DSCAM: variants seen among roughly 807,000 people sequenced by gnomAD.
DSCAM encodes cell adhesion molecule DSCAM.
DSCAM carries 47 observed loss-of-function variants against 217.7 expected under a neutral mutation model. The observed-to-expected ratio is 0.22, with a 90% confidence interval of 0.17 to 0.28. The LOEUF is 0.28. Among genes scored for constraint, DSCAM ranks in the 10% least tolerant of loss-of-function variants. DSCAM has a pLI of 1.00. For missense variants in DSCAM, 2,080 were observed against 2,618.3 expected, an observed-to-expected ratio of 0.79 and a Z score of 4.49; for synonymous variants, 1,056 against 1,015.3, an observed-to-expected ratio of 1.04 and a Z score of -0.76.
intron 3 of DSCAM, among the ~76,000 whole-genome samples, chr21:40,473,400 G>T (rs2075905615): frequency 6.6e-6 from 1 of 152,186 alleles, no homozygotes; most frequent in South Asian, 2.1e-4. Flanking sequence ...TCAAGAGGGG[G>T]CTGAGAAGCC....
intron 32 of DSCAM, among the ~76,000 whole-genome samples, chr21:40,032,706 C>G (rs1005700424): frequency 1.3e-5 from 2 of 152,104 alleles, no homozygotes; most frequent in African/African-American, 4.8e-5. Context: ...AGCTCTTTGA[C>G]ACTATAGTGT....
rs775951471 is a variant in DSCAM, at chr21:40,042,615, C to T, written c.5442G>A (p.Leu1814=). Residue 1814 remains leucine (L), a synonymous_variant, in exon 32 of 33, where the codon CTG becomes CTA. Coordinates refer to ENST00000400454, the MANE Select transcript of DSCAM (RefSeq NM_001389.5). ...TESASSTYEE[L]ARAYEHAKME... is the part of the protein sequence containing the mutation. ...TCTTGGCGTGTTCGTAGGCCCTGGCCAGTTCTTCGTAAGTGGAGGAGGCAC... is the reference window on the plus strand; with the variant it reads ...TCTTGGCGTGTTCGTAGGCCCTGGCTAGTTCTTCGTAAGTGGAGGAGGCAC... The T allele has an allele frequency of 1.2e-6, 2 of 1,614,064 alleles. No homozygotes were observed. Among genetic ancestry groups the T allele is most frequent in the South Asian group, 2.2e-5 (2 of 91,066 alleles).
At chr21:40,789,819 T>G (rs563559837) in intron 1 of DSCAM, among the ~76,000 whole-genome samples, 20 of 152,132 alleles carry the variant, frequency 1.3e-4, no homozygotes, top group Non-Finnish European at 1.5e-4. Context: ...CCTCCCAAAG[T>G]GCTGGGATTA....
In DSCAM at chr21:40,078,690, C is replaced by T. The variant is rs1278628848; in HGVS notation, c.4708G>A (p.Gly1570Ser). 1.2e-6 allele frequency: 2 copies of T among 1,611,826 alleles called. No homozygotes were observed. The highest frequency in any genetic ancestry group is 1.3e-5 in the African/African-American group (1 of 74,892). The change falls in exon 26 of 33, where the codon GGC (glycine) becomes AGC (serine). Residue 1570 changes from glycine to serine, a missense_variant. Physicochemically the swap from Gly to Ser is moderately conservative, Grantham distance 56. Coordinates refer to ENST00000400454, the MANE Select transcript of DSCAM (RefSeq NM_001389.5). ...GCCACAAAGCCAGCCAGCTTACTGC[C>T]ATCGTAGTTCAGCGTAGCGAAGTTG... The part of the protein sequence containing the change: ...QANFATLNYD[G>S]STIPPLIKSV...
intron 3 of DSCAM, among the ~76,000 whole-genome samples, chr21:40,676,330 G>C (rs2090337556): frequency 6.6e-6 from 1 of 152,158 alleles, no homozygotes; most frequent in South Asian, 2.1e-4. Flanking sequence ...TCCTATCAAA[G>C]TCATGCATCA....
intron 16 of DSCAM, among the ~76,000 whole-genome samples, chr21:40,152,853 T>C (rs899762879): frequency 1.3e-5 from 2 of 152,234 alleles, no homozygotes; most frequent in African/African-American, 2.4e-5. Context: ...AGCCATGTTC[T>C]GTTTCCCTCA....
chr21:40,712,088 G>A (rs774735969), intron 1 of DSCAM, among the ~76,000 whole-genome samples: 3 of 152,102 alleles, frequency 2.0e-5, no homozygotes, highest in Non-Finnish European at 4.4e-5. Flanking sequence ...CACCAAGATG[G>A]AAGAAAGTAC....
chr21:40,120,409 G>C (rs1303420611), intron 20 of DSCAM, among the ~76,000 whole-genome samples: 1 of 152,190 alleles, frequency 6.6e-6, no homozygotes, highest in Non-Finnish European at 1.5e-5. Flanking sequence ...TGTGTATATA[G>C]TAAAAGCAGT....
At chr21:40,674,043 G>A (rs1171540250) in intron 3 of DSCAM, among the ~76,000 whole-genome samples, 3 of 152,140 alleles carry the variant, frequency 2.0e-5, no homozygotes, top group African/African-American at 7.2e-5. Flanking sequence ...TTTGACATTC[G>A]TGCTGCATGG....
At chr21:40,018,040 G>C (rs62235574) in intron 32 of DSCAM, among the ~76,000 whole-genome samples, 1 of 111,990 alleles carries the variant, frequency 8.9e-6, no homozygotes, top group African/African-American at 3.4e-5. Context: ...AAGAATTTGA[G>C]TTTTTAAAAC....
chr21:40,207,373 T>C (rs2091137008), intron 11 of DSCAM, among the ~76,000 whole-genome samples: 1 of 152,226 alleles, frequency 6.6e-6, no homozygotes, highest in South Asian at 2.1e-4. Flanking sequence ...GTGCTGGCAC[T>C]CTAGTCTTGC....
intron 19 of DSCAM, among the ~76,000 whole-genome samples, chr21:40,131,617 G>A (rs1568957193): frequency 6.6e-6 from 1 of 152,098 alleles, no homozygotes; most frequent in Non-Finnish European, 1.5e-5. Flanking sequence ...TAGAGACAGG[G>A]TTTCACCATG....
chr21:40,644,439 G>A (rs540764585), intron 3 of DSCAM, among the ~76,000 whole-genome samples: 3 of 152,074 alleles, frequency 2.0e-5, no homozygotes, highest in Non-Finnish European at 4.4e-5. Flanking sequence ...CAGCAGGTTC[G>A]GCCAGTTCTA....
Position 40,353,574 on chromosome 21 carries a change from C to T in DSCAM, c.825G>A (p.Val275=), listed in dbSNP as rs2123649379. ...GAATGTTCTCAATGAGCAGCCCCGTCACGGTCTTCTGGAACCTCCCTGAAA... is the reference window on the plus strand; with the variant it reads ...GAATGTTCTCAATGAGCAGCCCCGTTACGGTCTTCTGGAACCTCCCTGAAA... ...LELSGRFQKT[V]TGLLIENIRP... is the part of the protein sequence containing the mutation. Residue 275 remains valine (V), a synonymous_variant, in exon 5 of 33, where the codon GTG becomes GTA. Coordinates refer to ENST00000400454, the MANE Select transcript of DSCAM (RefSeq NM_001389.5). The T allele has an allele frequency of 6.2e-7, 1 of 1,610,582 alleles. No individual in the cohort carries two copies. The highest frequency in any genetic ancestry group is 2.2e-5 in the East Asian group (1 of 44,840).
At chr21:40,183,016 GGCCACCAGAGAAACCGTGGACAGGA>G (rs1211268863) in intron 14 of DSCAM, among the ~76,000 whole-genome samples, 13 of 34,630 alleles carry the variant, frequency 3.8e-4, no homozygotes, top group Non-Finnish European at 5.9e-4. Context: ...GGACAGAACG[GGCCACCAGAGAAACCGTGGACAGGA>G]GGGGGCTACC....
At chr21:40,297,633 T>A (rs2073969617) in intron 9 of DSCAM, among the ~76,000 whole-genome samples, 2 of 152,154 alleles carry the variant, frequency 1.3e-5, no homozygotes, top group African/African-American at 4.8e-5. Flanking sequence ...CTTGTTACAA[T>A]GATCTGAGCC....
Position 40,016,058 on chromosome 21 carries a change from C to T in DSCAM, c.5687-2672G>A, listed in dbSNP as rs770443189. On this transcript the variant is annotated intron_variant, in intron 32 of 32. Coordinates refer to ENST00000400454, the MANE Select transcript of DSCAM (RefSeq NM_001389.5). This position sits in a 1 kb window ranked among gnomAD's most constrained non-coding sequence, Gnocchi z 4.3. ...TCACCATCTTGGCACACCTGTAACT[C>T]GTGACATACCAGGTGCAAAACTCTG... 6.6e-6 allele frequency among the ~76,000 whole-genome samples: 1 copy of T among 152,198 alleles called. No individual in the cohort carries two copies. Among genetic ancestry groups the T allele is most frequent in the African/African-American group, 2.4e-5 (1 of 41,448 alleles).
chr21:40,634,781 T>C (rs940256953), intron 3 of DSCAM, among the ~76,000 whole-genome samples: 2 of 152,224 alleles, frequency 1.3e-5, no homozygotes, highest in Non-Finnish European at 2.9e-5. Flanking sequence ...TGGTAATAAC[T>C]GAGCGAGAAG....
At chr21:40,702,144 T>G (rs535644091) in intron 2 of DSCAM, among the ~76,000 whole-genome samples, 1 of 152,298 alleles carries the variant, frequency 6.6e-6, no homozygotes, top group South Asian at 2.1e-4. Flanking sequence ...AATAGTCATA[T>G]CCTCTTCACC....
Sources: allele counts gnomAD v4.1 joint callset (sites outside exome capture counted in the v4.1 genomes callset), GRCh38; gene constraint gnomAD v4.1.1; non-coding constraint Gnocchi (gnomAD v3.1); transcripts MANE v1.5; gene names NCBI Gene and HGNC (gene_info 2026-07-23, HGNC 2026-07-21).